The following NTNG1 variants were observed in gnomAD, a reference collection of about 807,000 sequenced individuals.
The protein encoded by NTNG1 is netrin G1, also known as netrin-G1.
A neutral mutation model predicts 54.0 loss-of-function variants in NTNG1; 16 were observed. The ratio of observed to expected loss-of-function variants is 0.30; its 90% CI spans 0.20 to 0.45. The LOEUF is 0.45. NTNG1 is among the 20% of genes least tolerant of loss of function. The pLI is 1.00. For synonymous variants in NTNG1, 255 were observed against 263.1 expected, an observed-to-expected ratio of 0.97 and a Z score of 0.30; for missense variants, 530 against 678.7, an observed-to-expected ratio of 0.78 and a Z score of 2.43.
chr1:107,326,581 T>G (rs1667967163), intron 3 of NTNG1, among the ~76,000 whole-genome samples: 1 of 152,142 alleles, frequency 6.6e-6, no homozygotes, highest in Admixed American at 6.6e-5. Context: ...ATTCAATTCA[T>G]CTACATGAAT....
At chr1:107,297,246 T>TATATAC (rs1239725449) in intron 2 of NTNG1, among the ~76,000 whole-genome samples, 1 of 67,274 alleles carries the variant, frequency 1.5e-5, no homozygotes, top group Admixed American at 1.7e-4. Flanking sequence ...TATATATATA[T>TATATAC]GCGCACACAC....
intron 4 of NTNG1, among the ~76,000 whole-genome samples, chr1:107,399,789 T>C (rs1672901921): frequency 6.6e-6 from 1 of 152,178 alleles, no homozygotes; most frequent in Non-Finnish European, 1.5e-5. Context: ...TTGCACTGTA[T>C]TGCTGATCAA....
intron 2 of NTNG1, among the ~76,000 whole-genome samples, chr1:107,177,957 C>A (rs145933343): frequency 7.8e-4 from 119 of 152,230 alleles, no homozygotes; most frequent in African/African-American, 2.7e-3. Context: ...CTCAACCCTC[C>A]CATTATAGTA....
In NTNG1 at chr1:107,333,364, A is replaced by G. The variant is rs187493763; in HGVS notation, c.887+8442A>G. ...ACTATTTTACTGTTTCTCAGGATGT[A>G]CTCTTCAAATAAAGTCCATGATGGT... On this transcript the variant is annotated intron_variant, in intron 3 of 7. Transcript: ENST00000370068. 4.9e-4 allele frequency among the ~76,000 whole-genome samples: 75 copies of G among 152,044 alleles called. 1 individual carries two copies. The highest frequency in any genetic ancestry group is 4.5e-3 in the Admixed American group (69 of 15,220).
intron 2 of NTNG1, among the ~76,000 whole-genome samples, chr1:107,158,569 T>C (rs774439682): frequency 3.3e-5 from 5 of 152,164 alleles, no homozygotes; most frequent in African/African-American, 1.2e-4. Flanking sequence ...TGAGGCCATA[T>C]CTGCACAGTG....
chr1:107,254,818 A>G (rs1662826560), intron 2 of NTNG1, among the ~76,000 whole-genome samples: 2 of 152,170 alleles, frequency 1.3e-5, no homozygotes, highest in Admixed American at 6.5e-5. Flanking sequence ...ATGATTGTGT[A>G]TTATACCTAT....
chr1:107,170,504 A>G (rs1656141057), intron 2 of NTNG1, among the ~76,000 whole-genome samples: 2 of 152,086 alleles, frequency 1.3e-5, no homozygotes, highest in African/African-American at 4.8e-5. Context: ...CAAGCAAAAA[A>G]TTTTTGTCAC....
intron 2 of NTNG1, among the ~76,000 whole-genome samples, chr1:107,160,367 C>G (rs1371715767): frequency 6.6e-6 from 1 of 152,052 alleles, no homozygotes; most frequent in Non-Finnish European, 1.5e-5. Flanking sequence ...AGATATATTG[C>G]AAATCCAACC....
intron 5 of NTNG1, among the ~76,000 whole-genome samples, chr1:107,416,944 C>G (rs997387279): frequency 2.0e-5 from 3 of 152,064 alleles, no homozygotes; most frequent in Non-Finnish European, 4.4e-5. Context: ...CACACCAATA[C>G]TTTGAAAGCT....
At chr1:107,457,047 A>G (rs1676997788) in intron 7 of NTNG1, among the ~76,000 whole-genome samples, 1 of 152,224 alleles carries the variant, frequency 6.6e-6, no homozygotes, top group South Asian at 2.1e-4. Context: ...CACTAGTACA[A>G]CTAGGTTATA....
intron 2 of NTNG1, among the ~76,000 whole-genome samples, chr1:107,186,370 A>G (rs906834161): frequency 2.6e-5 from 4 of 152,174 alleles, no homozygotes; most frequent in African/African-American, 9.7e-5. Flanking sequence ...TGGCAATAAA[A>G]GAGATACTAA....
chr1:107,415,005 A>G (rs1041700924), intron 5 of NTNG1, among the ~76,000 whole-genome samples: 1 of 152,118 alleles, frequency 6.6e-6, no homozygotes, highest in Non-Finnish European at 1.5e-5. Flanking sequence ...ACTGAAAGGC[A>G]TTTCAGATAT....
In NTNG1 at chr1:107,480,967, A is replaced by C. The variant is rs4915045; in HGVS notation, c.*127A>C. 0.079 allele frequency: 54,468 copies of C among 691,340 alleles called. 2,596 individuals carry two copies. Among genetic ancestry groups the C allele is most frequent in the East Asian group, 0.2 (7,223 of 36,480 alleles). The allele number at this position is 691,340 out of a possible 1,614,324, so 42.8% of individuals were successfully genotyped here. ...CACTCAGACAGTGTACAAACTAAGAAGGCCTAACTGAACTAAGCCATATTT... is the reference window on the plus strand; with the variant it reads ...CACTCAGACAGTGTACAAACTAAGACGGCCTAACTGAACTAAGCCATATTT... On this transcript the variant is annotated 3_prime_UTR_variant, in exon 8 of 8. Transcript: ENST00000370068.
intron 2 of NTNG1, among the ~76,000 whole-genome samples, chr1:107,246,209 G>A (rs970991807): frequency 9.9e-5 from 15 of 151,964 alleles, no homozygotes; most frequent in African/African-American, 3.4e-4. Flanking sequence ...CTGCCACCAC[G>A]CCTGGCTAAT....
At chr1:107,288,048 C>T (rs1310398968) in intron 2 of NTNG1, among the ~76,000 whole-genome samples, 1 of 151,512 alleles carries the variant, frequency 6.6e-6, no homozygotes, top group Admixed American at 6.6e-5. Flanking sequence ...GTGAGTGAAG[C>T]CTAAAGGAAG....
intron 2 of NTNG1, among the ~76,000 whole-genome samples, chr1:107,194,292 T>C (rs1177656163): frequency 6.6e-6 from 1 of 151,940 alleles, no homozygotes; most frequent in East Asian, 1.9e-4. Context: ...TGCAGGGAAG[T>C]CTCTGGTTTT....
At chr1:107,341,882 G>A (rs1668916565) in intron 3 of NTNG1, among the ~76,000 whole-genome samples, 1 of 152,018 alleles carries the variant, frequency 6.6e-6, no homozygotes, top group African/African-American at 2.4e-5. Flanking sequence ...AGGTTAAGAG[G>A]TCACCAACTT....
At chr1:107,335,886 A>G (rs994161630) in intron 3 of NTNG1, among the ~76,000 whole-genome samples, 1 of 151,902 alleles carries the variant, frequency 6.6e-6, no homozygotes, top group Non-Finnish European at 1.5e-5. Context: ...AAGATCCAAA[A>G]GCCTTGTACA....
chr1:107,470,096 T>C (rs995431727), intron 7 of NTNG1, among the ~76,000 whole-genome samples: 2 of 152,186 alleles, frequency 1.3e-5, no homozygotes, highest in African/African-American at 4.8e-5. Flanking sequence ...TGTGGAGTCA[T>C]TGGCAAGCCA....
Sources: allele counts gnomAD v4.1 joint callset (sites outside exome capture counted in the v4.1 genomes callset), GRCh38; gene constraint gnomAD v4.1.1; transcripts MANE v1.5; gene names NCBI Gene and HGNC (gene_info 2026-07-23, HGNC 2026-07-21).